Variants in KDM4C observed in about 807,000 individuals in gnomAD.
KDM4C encodes lysine-specific demethylase 4C.
KDM4C carries 81 observed loss-of-function variants against 129.3 expected under a neutral mutation model. The ratio of observed to expected loss-of-function variants is 0.63; its 90% CI spans 0.52 to 0.75. KDM4C has a LOEUF of 0.75. KDM4C is among the 30% of genes least tolerant of loss of function. The pLI, the probability that KDM4C is intolerant of heterozygous loss-of-function variation, is 0.00. For synonymous variants in KDM4C, 573 were observed against 456.1 expected, an observed-to-expected ratio of 1.26 and a Z score of -3.26; for missense variants, 1,457 against 1,304.0, an observed-to-expected ratio of 1.12 and a Z score of -1.81.
At chr9:6,911,497 G>A (rs1196072652) in intron 8 of KDM4C, among the ~76,000 whole-genome samples, 1 of 152,138 alleles carries the variant, frequency 6.6e-6, no homozygotes, top group East Asian at 1.9e-4. Flanking sequence ...AAATAAGCTA[G>A]TACATTAGTG....
At chr9:6,907,892 T>C (rs534683585) in intron 8 of KDM4C, among the ~76,000 whole-genome samples, 1 of 152,340 alleles carries the variant, frequency 6.6e-6, no homozygotes, top group South Asian at 2.1e-4. Context: ...AATTGTATCA[T>C]GGACTATGGT....
chr9:6,868,067 C>T (rs947921810), intron 5 of KDM4C, among the ~76,000 whole-genome samples: 1 of 151,986 alleles, frequency 6.6e-6, no homozygotes, highest in African/African-American at 2.4e-5. Context: ...AAACATAAGG[C>T]AGAGCTGATA....
chr9:6,827,142 CT>C (rs1834019278), intron 4 of KDM4C, among the ~76,000 whole-genome samples: 1 of 152,184 alleles, frequency 6.6e-6, no homozygotes, highest in Admixed American at 6.5e-5. Flanking sequence ...AGATTGAAGA[CT>C]TTATTAAACA....
intron 15 of KDM4C, among the ~76,000 whole-genome samples, chr9:7,038,665 A>C (rs1254128141): frequency 6.6e-6 from 1 of 152,038 alleles, no homozygotes; most frequent in African/African-American, 2.4e-5. Flanking sequence ...CCATAGATTC[A>C]AATATTTAGG....
intron 1 of KDM4C, among the ~76,000 whole-genome samples, chr9:6,730,945 A>T (rs1002541115): frequency 6.6e-6 from 1 of 152,130 alleles, no homozygotes; most frequent in Admixed American, 6.6e-5. Flanking sequence ...TTGTGTACCT[A>T]TTTAGTTAGG....
At chr9:6,739,976 G>C (rs1157063191) in intron 1 of KDM4C, among the ~76,000 whole-genome samples, 1 of 152,040 alleles carries the variant, frequency 6.6e-6, no homozygotes, top group Non-Finnish European at 1.5e-5. Flanking sequence ...TGAAACTTCT[G>C]CCTCGTGGGT....
chr9:6,904,003 G>A (rs1006627672), intron 8 of KDM4C, among the ~76,000 whole-genome samples: 2 of 152,154 alleles, frequency 1.3e-5, no homozygotes, highest in African/African-American at 2.4e-5. Context: ...ACTTTGAGAG[G>A]CTGAGGTGGG....
At chr9:7,076,502 A>T (rs1309210291) in intron 17 of KDM4C, 1 of 1,548,994 alleles carries the variant, frequency 6.5e-7, no homozygotes, top group African/African-American at 1.4e-5. Context: ...TCACTGTGAA[A>T]ACATCAATTC....
intron 8 of KDM4C, among the ~76,000 whole-genome samples, chr9:6,905,597 A>G (rs1447395147): frequency 6.6e-6 from 1 of 152,222 alleles, no homozygotes; most frequent in Non-Finnish European, 1.5e-5. Context: ...TTCTTTTGAG[A>G]AAGCATGACC....
intron 1 of KDM4C, among the ~76,000 whole-genome samples, chr9:6,760,542 T>TTTTTTTTA (rs1819234738): frequency 7.0e-6 from 1 of 143,880 alleles, no homozygotes; most frequent in Admixed American, 7.0e-5. Context: ...TGATACTCTT[T>TTTTTTTTA]TTTATTTATT....
intron 5 of KDM4C, among the ~76,000 whole-genome samples, chr9:6,868,166 A>G (rs568615226): frequency 2.6e-5 from 4 of 152,140 alleles, no homozygotes; most frequent in African/African-American, 7.2e-5. Context: ...GACACCAGAT[A>G]AAAAGCCCCC....
chr9:7,143,351 C>T (rs1031722831), intron 19 of KDM4C, among the ~76,000 whole-genome samples: 1 of 152,154 alleles, frequency 6.6e-6, no homozygotes, highest in Non-Finnish European at 1.5e-5. Flanking sequence ...GTTCATTAAG[C>T]AAATCAGATG....
intron 4 of KDM4C, among the ~76,000 whole-genome samples, chr9:6,833,126 T>C (rs1835212363): frequency 6.6e-6 from 1 of 151,904 alleles, no homozygotes; most frequent in Non-Finnish European, 1.5e-5. Context: ...TTTTAGTATA[T>C]GTTGAGATAA....
intron 4 of KDM4C, among the ~76,000 whole-genome samples, chr9:6,820,258 A>G (rs1832792315): frequency 6.6e-6 from 1 of 152,174 alleles, no homozygotes; most frequent in South Asian, 2.1e-4. Flanking sequence ...GGCTTTGATG[A>G]CTAAGTTCCA....
In KDM4C at chr9:6,894,017, A is replaced by T. The variant is rs1227703643; in HGVS notation, c.921+785A>T. Among the ~76,000 whole-genome samples the T allele has an allele frequency of 2.0e-5, 3 of 152,170 alleles. 1 individual carries two copies. The highest frequency in any genetic ancestry group is 4.4e-5 in the Non-Finnish European group (3 of 68,012). ...GTGTTTTACAGAGGATGTAAAGTTGACGTAGATTTAGCAGAAAATGATAAA... is the reference window on the plus strand; with the variant it reads ...GTGTTTTACAGAGGATGTAAAGTTGTCGTAGATTTAGCAGAAAATGATAAA... On this transcript the variant is annotated intron_variant, in intron 8 of 21. Coordinates refer to ENST00000381309, the MANE Select transcript of KDM4C (RefSeq NM_015061.6).
At chr9:7,063,987 G>C (rs1352064322) in intron 17 of KDM4C, among the ~76,000 whole-genome samples, 3 of 152,202 alleles carry the variant, frequency 2.0e-5, no homozygotes, top group African/African-American at 4.8e-5. Flanking sequence ...TGTGGTGACT[G>C]CTGGCTGCTT....
At chr9:6,943,898 G>C (rs1303121273) in intron 8 of KDM4C, among the ~76,000 whole-genome samples, 6 of 152,110 alleles carry the variant, frequency 3.9e-5, no homozygotes, top group Non-Finnish European at 8.8e-5. Flanking sequence ...TCTCATGCTT[G>C]CTAAATTCTG....
At chr9:6,780,746 C>CAACAA (rs945810649) in intron 1 of KDM4C, among the ~76,000 whole-genome samples, 36 of 81,580 alleles carry the variant, frequency 4.4e-4, no homozygotes, top group Non-Finnish European at 8.7e-5. Context: ...CCAGCCTGGG[C>CAACAA]AACAAGAGTG....
chr9:6,757,000 A>G (rs1818339113), upstream of KDM4C, among the ~76,000 whole-genome samples: 1 of 152,184 alleles, frequency 6.6e-6, no homozygotes, highest in Non-Finnish European at 1.5e-5. Context: ...CGTTAGAGAA[A>G]ACGCCACAAG....
Sources: gnomAD v4.1 joint callset for allele counts (sites outside exome capture counted in the v4.1 genomes callset) on GRCh38, gnomAD v4.1.1 for gene constraint, MANE v1.5 for transcripts, NCBI Gene and HGNC (gene_info 2026-07-23, HGNC 2026-07-21) for gene names.